Variants in TMEM45A observed in about 807,000 individuals in gnomAD.
TMEM45A encodes the protein DNA polymerase-transactivated protein 4.
In TMEM45A, 25 loss-of-function variants were observed where a neutral mutation model predicts 32.0. That is an observed-to-expected ratio of 0.78 (90% CI 0.57 to 1.09). The LOEUF (loss-of-function observed/expected upper bound fraction) is 1.09, where lower values mean the gene tolerates loss of function less well. Among genes scored for constraint, TMEM45A ranks in the 50% least tolerant of loss-of-function variants. TMEM45A has a pLI of 0.00. For synonymous variants in TMEM45A, 122 were observed against 114.8 expected (o/e 1.06, Z -0.40); for missense variants, 302 against 325.0 (o/e 0.93, Z 0.54).
Position 100,576,621 on chromosome 3 carries a change from T to TA in TMEM45A, c.735-295dup, listed in dbSNP as rs532681631. ...GGTGACAGAGCAAGACTCTGTCTCA[T>TA]AAAAAAAAATAGAAAAGAAAAGAAA... On this transcript the variant is annotated intron_variant, in intron 5 of 5. Transcript: ENST00000323523. 3.2e-3 allele frequency among the ~76,000 whole-genome samples: 476 copies of TA among 147,992 alleles called. 3 individuals carry two copies. The highest frequency in any genetic ancestry group is 4.8e-3 in the Non-Finnish European group (319 of 66,722).
intron 1 of TMEM45A, among the ~76,000 whole-genome samples, chr3:100,499,638 A>T (rs1707983532): frequency 1.3e-5 from 2 of 152,228 alleles, no homozygotes; most frequent in African/African-American, 4.8e-5. Flanking sequence ...GCACTTTGGG[A>T]GGCTGAGGTG....
intron 1 of TMEM45A, among the ~76,000 whole-genome samples, chr3:100,537,664 A>G (rs1194004706): frequency 6.6e-6 from 1 of 152,232 alleles, no homozygotes; most frequent in Non-Finnish European, 1.5e-5. Flanking sequence ...GAAGAGGCAA[A>G]GAAGGCGAGG....
intron 5 of TMEM45A, among the ~76,000 whole-genome samples, chr3:100,570,238 G>A (rs1254109420): frequency 6.6e-6 from 1 of 152,212 alleles, no homozygotes; most frequent in African/African-American, 2.4e-5. Context: ...CTAAATTGCA[G>A]TAGCTACTGC....
chr3:100,554,207 T>C (rs1194058841), intron 1 of TMEM45A, among the ~76,000 whole-genome samples: 1 of 151,574 alleles, frequency 6.6e-6, no homozygotes, highest in East Asian at 1.9e-4. Context: ...GGACCAAAAA[T>C]GGAGGGTATT....
chr3:100,555,425 AT>A lies in TMEM45A; in HGVS notation c.190+29del, dbSNP rs780213135. The A allele has an allele frequency of 5.1e-6, 8 of 1,583,494 alleles. No individual in the cohort carries two copies. The South Asian group carries it at 9.3e-5, about 18-fold the overall frequency. ...TGGTGAGTGGACCATTCTGTGTTCT[AT>A]TTTTACCTTTTAGGTGTTTTCATTC... On this transcript the variant is annotated intron_variant, in intron 2 of 5. Transcript: ENST00000323523.
Position 100,565,077 on chromosome 3 carries a change from C to G in TMEM45A, c.589-3745C>G, listed in dbSNP as rs188272857. 3.7e-3 allele frequency among the ~76,000 whole-genome samples: 563 copies of G among 152,286 alleles called. 5 individuals carry two copies. Among genetic ancestry groups the G allele is most frequent in the African/African-American group, 0.012 (510 of 41,544 alleles). The stretch of plus-strand genomic sequence containing the variant: ...ATGGAGTTTTTGGAGCCAGAAACTA[C>G]TGGTCTGGATCCCTACCATAGTCGT... On this transcript the variant is annotated intron_variant, in intron 4 of 5. Transcript: ENST00000323523.
chr3:100,566,573 C>T (rs1706444641), intron 4 of TMEM45A, among the ~76,000 whole-genome samples: 1 of 152,006 alleles, frequency 6.6e-6, no homozygotes, highest in African/African-American at 2.4e-5. Flanking sequence ...GTATTATTAT[C>T]TTCATTATCC....
intron 1 of TMEM45A, among the ~76,000 whole-genome samples, chr3:100,554,584 G>C (rs1293399561): frequency 2.0e-5 from 3 of 152,256 alleles, no homozygotes; most frequent in Middle Eastern, 6.3e-3. Flanking sequence ...CTGGGAAAGA[G>C]TGGGGAGCAG....
intron 2 of TMEM45A, 114 bp downstream of exon 2, chr3:100,555,515 A>G: frequency 8.8e-7 from 1 of 1,132,088 alleles, no homozygotes; most frequent in Non-Finnish European, 1.2e-6. Flanking sequence ...CTCTGAAAGA[A>G]TAAACCCTAT....
At chr3:100,506,846 C>G (rs773882685) in intron 1 of TMEM45A, among the ~76,000 whole-genome samples, 1 of 152,148 alleles carries the variant, frequency 6.6e-6, no homozygotes, top group East Asian at 1.9e-4. Context: ...AAGGACCAAA[C>G]CAGGCAGGCC....
At chr3:100,525,511 A>G (rs115189538) in intron 1 of TMEM45A, among the ~76,000 whole-genome samples, 1,664 of 152,352 alleles carry the variant, frequency 0.011, 24 homozygotes, top group Non-Finnish European at 0.016. Context: ...ACAAAATTAC[A>G]CATTGTGATG....
intron 1 of TMEM45A, among the ~76,000 whole-genome samples, chr3:100,511,719 C>T (rs1461492480): frequency 6.6e-6 from 1 of 151,316 alleles, no homozygotes; most frequent in African/African-American, 2.4e-5. Flanking sequence ...GTGCTGTATT[C>T]AGGAAACCCA....
At chr3:100,552,143 A>T (rs1217668355) in intron 1 of TMEM45A, among the ~76,000 whole-genome samples, 1 of 152,194 alleles carries the variant, frequency 6.6e-6, no homozygotes, top group Non-Finnish European at 1.5e-5. Flanking sequence ...GTAATTCTAA[A>T]TATTTAAAAG....
intron 4 of TMEM45A, among the ~76,000 whole-genome samples, chr3:100,559,418 A>C (rs1706284737): frequency 6.6e-6 from 1 of 152,158 alleles, no homozygotes; most frequent in Non-Finnish European, 1.5e-5. Flanking sequence ...TGAGGGGGAG[A>C]GAAACATCAT....
intron 1 of TMEM45A, among the ~76,000 whole-genome samples, chr3:100,497,043 G>A (rs896813122): frequency 6.6e-6 from 1 of 152,206 alleles, no homozygotes; most frequent in South Asian, 2.1e-4. Flanking sequence ...TACCCATTCT[G>A]GATTTGGCAT....
chr3:100,540,786 A>C (rs890020839), intron 1 of TMEM45A, among the ~76,000 whole-genome samples: 5 of 152,234 alleles, frequency 3.3e-5, no homozygotes, highest in African/African-American at 1.2e-4. Flanking sequence ...TCAACGATGC[A>C]CAAATATATC....
intron 1 of TMEM45A, among the ~76,000 whole-genome samples, chr3:100,525,811 G>A (rs1705531557): frequency 6.6e-6 from 1 of 152,182 alleles, no homozygotes; most frequent in South Asian, 2.1e-4. Flanking sequence ...GAGACAGGCA[G>A]GACAGGCATG....
intron 4 of TMEM45A, among the ~76,000 whole-genome samples, chr3:100,566,019 C>T (rs1014693283): frequency 6.6e-6 from 1 of 152,144 alleles, no homozygotes; most frequent in African/African-American, 2.4e-5. Flanking sequence ...TAATCAGAAT[C>T]ATAATATATG....
At chr3:100,534,939 C>T (rs1480736505) in intron 1 of TMEM45A, among the ~76,000 whole-genome samples, 1 of 141,094 alleles carries the variant, frequency 7.1e-6, no homozygotes, top group East Asian at 2.0e-4. Flanking sequence ...CCTGCCATAG[C>T]CTTGATTCTT....
Sources: gnomAD v4.1 joint callset for allele counts (sites outside exome capture counted in the v4.1 genomes callset) on GRCh38, gnomAD v4.1.1 for gene constraint, MANE v1.5 for transcripts, NCBI Gene and HGNC (gene_info 2026-07-23, HGNC 2026-07-21) for gene names.